INPP4A: variants seen among roughly 807,000 people sequenced by gnomAD.
INPP4A encodes inositol polyphosphate-4-phosphatase, type I, 107kD.
Under a neutral mutation model 119.8 loss-of-function variants are expected in INPP4A, and 33 were observed. The observed-to-expected ratio is 0.28, with a 90% CI of 0.21 to 0.37. The LOEUF (loss-of-function observed/expected upper bound fraction) is 0.37. Among genes scored for constraint, INPP4A ranks in the 10% least tolerant of loss-of-function variants. The pLI, the probability that INPP4A is intolerant of heterozygous loss-of-function variation, is 1.00. For missense variants in INPP4A, 956 were observed against 1,289.9 expected, an observed-to-expected ratio of 0.74 and a Z score of 3.97; for synonymous variants, 496 against 500.7, an observed-to-expected ratio of 0.99 and a Z score of 0.12.
Position 98,546,840 on chromosome 2 carries a change from T to C in INPP4A, c.1163+146T>C, listed in dbSNP as rs1054212293. On this transcript the variant is annotated intron_variant, in intron 13 of 24. Coordinates refer to ENST00000409851, the MANE Select transcript of INPP4A (RefSeq NM_001134225.2). This position sits in a 1 kb window ranked among gnomAD's most constrained non-coding sequence, Gnocchi z 4.2. ...GCAGGAGGATCTGCCTTATGGAGCC[T>C]GTGCTGCTCTGTTTATGTGTGACTG... The C allele has an allele frequency of 2.2e-5, 14 of 628,172 alleles. No homozygotes were observed. The highest frequency in any genetic ancestry group is 2.2e-4 in the African/African-American group (12 of 54,532). The allele number at this position is 628,172 out of a possible 1,614,324, so 38.9% of individuals were successfully genotyped here.
chr2:98,489,043 C>G (rs1024982955), intron 1 of INPP4A, among the ~76,000 whole-genome samples: 14 of 149,560 alleles, frequency 9.4e-5, no homozygotes, highest in Admixed American at 1.3e-4. Flanking sequence ...AGCCTGTTGC[C>G]TTAGCTCTGT....
At chr2:98,472,091 T>C (rs552022266) in intron 1 of INPP4A, among the ~76,000 whole-genome samples, 6 of 152,220 alleles carry the variant, frequency 3.9e-5, no homozygotes, top group Non-Finnish European at 7.3e-5. Flanking sequence ...TGATCTCCCA[T>C]GTGACTCCAT....
intron 1 of INPP4A, among the ~76,000 whole-genome samples, chr2:98,498,829 A>G (rs556657307): frequency 6.6e-6 from 1 of 152,370 alleles, no homozygotes; most frequent in Admixed American, 6.5e-5. Context: ...AGAAAAGGCC[A>G]TGTGAGGACA....
intron 1 of INPP4A, among the ~76,000 whole-genome samples, chr2:98,463,153 T>TCAGGTATGAGCCACCATGTATGGCTG (rs1673956582): frequency 6.6e-6 from 1 of 152,234 alleles, no homozygotes; most frequent in Non-Finnish European, 1.5e-5. Flanking sequence ...ACAGACATTT[T>TCAGGTATGAGCCACCATGTATGGCTG]AAACTAACCT....
intron 1 of INPP4A, among the ~76,000 whole-genome samples, chr2:98,505,200 T>C (rs1319046076): frequency 2.0e-5 from 3 of 152,242 alleles, no homozygotes; most frequent in Non-Finnish European, 2.9e-5. Context: ...TTAGAAAAGG[T>C]TCAGGCAGCC....
At chr2:98,537,451 G>A (rs1362909842) in intron 7 of INPP4A, among the ~76,000 whole-genome samples, 2 of 152,208 alleles carry the variant, frequency 1.3e-5, no homozygotes, top group Non-Finnish European at 2.9e-5. Flanking sequence ...GCCTCAAGGT[G>A]GGGTGGGAAG....
At chr2:98,517,882 A>G (rs2105692445) in intron 1 of INPP4A, among the ~76,000 whole-genome samples, 1 of 152,364 alleles carries the variant, frequency 6.6e-6, no homozygotes, top group African/African-American at 2.4e-5. Context: ...GAGTAACAAT[A>G]TAGGAGAGTC....
chr2:98,585,993 G>C (rs147944638), intron 24 of INPP4A, among the ~76,000 whole-genome samples: 11 of 152,344 alleles, frequency 7.2e-5, no homozygotes, highest in Non-Finnish European at 1.5e-4. Context: ...GATTAAAGGA[G>C]ATTAACTGTG....
At chr2:98,493,426 A>ATTTTTTT (rs371958433) in intron 1 of INPP4A, among the ~76,000 whole-genome samples, 3 of 123,110 alleles carry the variant, frequency 2.4e-5, no homozygotes, top group Non-Finnish European at 3.3e-5. Context: ...TTCTATTTCT[A>ATTTTTTT]TTTTTTTTTT....
At chr2:98,538,771 C>T (rs1690815232) in intron 8 of INPP4A, 120 bp from the exon 9 acceptor site, 4 of 650,408 alleles carry the variant, frequency 6.1e-6, no homozygotes, top group Non-Finnish European at 1.1e-5. Context: ...TTGTAGAGTT[C>T]ATGGTGGATA....
chr2:98,494,631 A>G (rs1332141187), intron 1 of INPP4A, among the ~76,000 whole-genome samples: 1 of 150,636 alleles, frequency 6.6e-6, no homozygotes, highest in East Asian at 2.0e-4. Flanking sequence ...TTCTAAAAAA[A>G]AAAAAATGGA....
rs1412604578 is a variant in INPP4A at position 98,546,395 on chromosome 2, C to G, written c.1055-191C>G. Among the ~76,000 whole-genome samples the G allele has an allele frequency of 6.6e-6, 1 of 152,220 alleles. No homozygotes were observed. Among genetic ancestry groups the G allele is most frequent in the Admixed American group, 6.5e-5 (1 of 15,284 alleles). On this transcript the variant is annotated intron_variant, in intron 12 of 24. Transcript: ENST00000409851. This position sits in a 1 kb window ranked among gnomAD's most constrained non-coding sequence, Gnocchi z 4.2. ...GCTCCACTTGAAATGTTTTAAACCCCTTGTTGCTGAGGTGATGGCACTGGG... is the reference window on the plus strand; with the variant it reads ...GCTCCACTTGAAATGTTTTAAACCCGTTGTTGCTGAGGTGATGGCACTGGG...
chr2:98,553,449 TA>T (rs1405275340), intron 14 of INPP4A, among the ~76,000 whole-genome samples: 1 of 152,226 alleles, frequency 6.6e-6, no homozygotes, highest in Non-Finnish European at 1.5e-5. Context: ...TTAAAATATG[TA>T]AGTATTAATC....
intron 4 of INPP4A, among the ~76,000 whole-genome samples, chr2:98,529,452 T>A (rs1194612779): frequency 6.6e-6 from 1 of 152,136 alleles, no homozygotes; most frequent in East Asian, 1.9e-4. Context: ...AACCACAGAA[T>A]TGGGCTGGGC....
chr2:98,541,305 T>C (rs989660876), intron 10 of INPP4A, among the ~76,000 whole-genome samples: 13 of 148,158 alleles, frequency 8.8e-5, no homozygotes, highest in Admixed American at 2.0e-4. Flanking sequence ...CCAGCCTTGG[T>C]GACAGAGCGA....
intron 1 of INPP4A, among the ~76,000 whole-genome samples, chr2:98,465,410 G>A (rs1036306340): frequency 5.3e-5 from 8 of 152,218 alleles, no homozygotes; most frequent in South Asian, 2.1e-4. Flanking sequence ...GGCATTTGGG[G>A]CCTACCAGTG....
chr2:98,484,389 C>T (rs1461055368), intron 1 of INPP4A, among the ~76,000 whole-genome samples: 1 of 152,134 alleles, frequency 6.6e-6, no homozygotes, highest in Non-Finnish European at 1.5e-5. Context: ...TTCCCATGAT[C>T]CTGCAGTCAG....
chr2:98,444,838 A>G (rs1381424660), upstream of INPP4A: 13 of 151,286 alleles, frequency 8.6e-5, no homozygotes, highest in African/African-American at 3.2e-4. Context: ...GGGCGGGGCC[A>G]GGGCGGGGCT....
chr2:98,528,951 G>T (rs756619947), intron 4 of INPP4A, among the ~76,000 whole-genome samples: 1 of 151,924 alleles, frequency 6.6e-6, no homozygotes, highest in East Asian at 1.9e-4. Flanking sequence ...GGTGGCAGGC[G>T]CCTGTAGTCC....
Sources: allele counts gnomAD v4.1 joint callset (sites outside exome capture counted in the v4.1 genomes callset), GRCh38; gene constraint gnomAD v4.1.1; non-coding constraint Gnocchi (gnomAD v3.1); transcripts MANE v1.5; gene names NCBI Gene and HGNC (gene_info 2026-07-23, HGNC 2026-07-21).